ANKS1B: variants seen among roughly 807,000 people sequenced by gnomAD.
ANKS1B encodes the protein ankyrin repeat and sterile alpha motif domain-containing protein 1B.
Under a neutral mutation model 148.3 loss-of-function variants are expected in ANKS1B, and 36 were observed. The ratio of observed to expected loss-of-function variants is 0.24; its 90% CI spans 0.19 to 0.32. The LOEUF is 0.32. ANKS1B is among the 10% of genes least tolerant of loss of function. ANKS1B has a pLI of 1.00. For missense variants in ANKS1B, 1,157 were observed against 1,542.6 expected, an observed-to-expected ratio of 0.75 and a Z score of 4.19; for synonymous variants, 542 against 560.8, an observed-to-expected ratio of 0.97 and a Z score of 0.47.
At chr12:98,874,314 T>C (rs951487629) in intron 17 of ANKS1B, among the ~76,000 whole-genome samples, 1 of 151,532 alleles carries the variant, frequency 6.6e-6, no homozygotes, top group Non-Finnish European at 1.5e-5. Context: ...AAAAAAAAAA[T>C]GGCACGCCAA....
chr12:99,630,923 G>A (rs1447845795), intron 9 of ANKS1B, among the ~76,000 whole-genome samples: 1 of 152,152 alleles, frequency 6.6e-6, no homozygotes, highest in East Asian at 1.9e-4. Context: ...GGACCCAGTG[G>A]GAGGTAATTG....
intron 24 of ANKS1B, among the ~76,000 whole-genome samples, chr12:98,773,442 G>T (rs2098622653): frequency 6.6e-6 from 1 of 152,126 alleles, no homozygotes; most frequent in Non-Finnish European, 1.5e-5. Flanking sequence ...GAAGCAGTCT[G>T]GGTGGCGGCC....
chr12:99,632,727 CTATATA>C (rs3081654), intron 9 of ANKS1B, among the ~76,000 whole-genome samples: 726 of 39,012 alleles, frequency 0.019, 24 homozygotes, highest in African/African-American at 0.031. Context: ...CCTTTTCTTT[CTATATA>C]TATATATATA....
intron 17 of ANKS1B, among the ~76,000 whole-genome samples, chr12:98,968,328 C>T (rs1031990217): frequency 3.9e-4 from 60 of 152,114 alleles, no homozygotes; most frequent in African/African-American, 1.4e-3. Context: ...CAGGACCCCC[C>T]ACCACCCCAG....
At chr12:99,881,724 C>A (rs1223203807) in intron 1 of ANKS1B, among the ~76,000 whole-genome samples, 1 of 152,124 alleles carries the variant, frequency 6.6e-6, no homozygotes, top group African/African-American at 2.4e-5. Flanking sequence ...CATCACAGAG[C>A]GTTTGAAAAC....
intron 1 of ANKS1B, among the ~76,000 whole-genome samples, chr12:99,874,626 C>T (rs749254256): frequency 9.2e-5 from 14 of 152,072 alleles, no homozygotes; most frequent in Non-Finnish European, 1.6e-4. Flanking sequence ...TAAACAAAGC[C>T]TGAATTCAAA....
At chr12:99,764,391 TAAG>T (rs1169332432) in intron 8 of ANKS1B, among the ~76,000 whole-genome samples, 2 of 152,106 alleles carry the variant, frequency 1.3e-5, no homozygotes, top group Non-Finnish European at 2.9e-5. Context: ...ACGTGGACAA[TAAG>T]AAAGACAGAC....
intron 17 of ANKS1B, among the ~76,000 whole-genome samples, chr12:98,958,535 G>A (rs2099866133): frequency 6.6e-6 from 1 of 152,142 alleles, no homozygotes; most frequent in African/African-American, 2.4e-5. Context: ...CATGACGACT[G>A]GTAGCATGTG....
chr12:99,251,349 A>C (rs1315922956), intron 12 of ANKS1B, among the ~76,000 whole-genome samples: 2 of 152,258 alleles, frequency 1.3e-5, no homozygotes, highest in Admixed American at 6.5e-5. Context: ...TTGACATAAT[A>C]ATCATGTGGG....
At position 98,829,750 on chromosome 12, in the gene ANKS1B, G is replaced by T. The variant is rs1263012083; in HGVS notation, c.2887-397C>A. On this transcript the variant is annotated intron_variant, in intron 18 of 26. Coordinates refer to ENST00000683438, the MANE Select transcript of ANKS1B (RefSeq NM_001352186.2). This position sits in a 1 kb window ranked among gnomAD's most constrained non-coding sequence, Gnocchi z 5.2. Reference sequence around the variant, plus strand: ...AGAAAGCTAAAATGAGACCCAATGGGTCTTGATCCTTCATCAAAGAATGGT... The same window carrying T: ...AGAAAGCTAAAATGAGACCCAATGGTTCTTGATCCTTCATCAAAGAATGGT... Among the ~76,000 whole-genome samples, 2 of 152,184 alleles carry T rather than the reference G, an allele frequency of 1.3e-5. No homozygotes were observed.
At chr12:99,909,371 T>C (rs969281051) in intron 1 of ANKS1B, among the ~76,000 whole-genome samples, 4 of 152,068 alleles carry the variant, frequency 2.6e-5, no homozygotes, top group African/African-American at 4.8e-5. Context: ...TCAGATATCT[T>C]GACAAGGTGC....
chr12:99,560,103 G>T (rs1020245946), intron 9 of ANKS1B, among the ~76,000 whole-genome samples: 1 of 151,960 alleles, frequency 6.6e-6, no homozygotes, highest in South Asian at 2.1e-4. Flanking sequence ...GTACACCTGG[G>T]GTACTAATTT....
At chr12:98,794,392 CAAAAAAAAA>C (rs571692746) in intron 22 of ANKS1B, 68 of 84,142 alleles carry the variant, frequency 8.1e-4, no homozygotes, top group South Asian at 3.4e-3. Context: ...AACTCTGTCT[CAAAAAAAAA>C]AAAAAAAAAA....
Position 99,435,683 on chromosome 12 carries a change from A to C in ANKS1B, c.1575+7990T>G, listed in dbSNP as rs181166440. Among the ~76,000 whole-genome samples the C allele has an allele frequency of 3.3e-5, 5 of 152,174 alleles. No individual in the cohort carries two copies. In the East Asian group the frequency reaches 7.7e-4, roughly 24 times the overall value. ...TGAAAAACTGAGGGTGAGAAGGGTA[A>C]TACAGAGTGCATGTGACAGAAGAAA... On this transcript the variant is annotated intron_variant, in intron 11 of 26. Transcript: ENST00000683438.
At chr12:99,337,997 T>C (rs2089254084) in intron 12 of ANKS1B, among the ~76,000 whole-genome samples, 1 of 152,168 alleles carries the variant, frequency 6.6e-6, no homozygotes, top group African/African-American at 2.4e-5. Context: ...CAGCACTGGA[T>C]CTTGCCCAAG....
intron 1 of ANKS1B, among the ~76,000 whole-genome samples, chr12:99,841,242 A>T (rs1448283230): frequency 6.6e-6 from 1 of 152,118 alleles, no homozygotes; most frequent in Non-Finnish European, 1.5e-5. Context: ...GTTTTTATCT[A>T]GAATGGCTCT....
At chr12:99,544,961 G>T (rs1309109659) in intron 9 of ANKS1B, among the ~76,000 whole-genome samples, 4 of 152,114 alleles carry the variant, frequency 2.6e-5, no homozygotes, top group Admixed American at 1.3e-4. Context: ...AAACTCATCT[G>T]TGAGCCCTGG....
chr12:99,794,761 G>C (rs1310879137), intron 4 of ANKS1B, among the ~76,000 whole-genome samples: 1 of 151,690 alleles, frequency 6.6e-6, no homozygotes, highest in Non-Finnish European at 1.5e-5. Flanking sequence ...AAAATAGAAA[G>C]AATGAATAAG....
intron 15 of ANKS1B, among the ~76,000 whole-genome samples, chr12:99,132,823 T>G (rs1474520713): frequency 2.0e-5 from 3 of 152,132 alleles, no homozygotes; most frequent in Non-Finnish European, 4.4e-5. Context: ...CAAGTTTAAA[T>G]AAAGCACATA....
Sources: gnomAD v4.1 joint callset for allele counts (sites outside exome capture counted in the v4.1 genomes callset) on GRCh38, gnomAD v4.1.1 for gene constraint, Gnocchi (gnomAD v3.1) non-coding constraint, MANE v1.5 for transcripts, NCBI Gene and HGNC (gene_info 2026-07-23, HGNC 2026-07-21) for gene names.